Variants in KIAA1958 observed in about 807,000 individuals in gnomAD.
KIAA1958 encodes KIAA1958.
A neutral mutation model predicts 47.2 loss-of-function variants in KIAA1958; 14 were observed. The ratio of observed to expected loss-of-function variants is 0.30; its 90% CI spans 0.20 to 0.46. KIAA1958 has a LOEUF of 0.46. KIAA1958 is among the 20% of genes least tolerant of loss of function. KIAA1958 has a pLI of 1.00. For missense variants in KIAA1958, 803 were observed against 909.2 expected (o/e 0.88, Z 1.50); for synonymous variants, 354 against 353.3 (o/e 1.00, Z -0.02).
intron 3 of KIAA1958, among the ~76,000 whole-genome samples, chr9:112,652,830 C>T (rs1260556988): frequency 2.0e-5 from 3 of 152,218 alleles, no homozygotes; most frequent in East Asian, 1.9e-4. Context: ...CCATGTTGCC[C>T]GGGCTGGTCT....
At chr9:112,515,894 T>TAAAAAAA (rs58492221) in intron 1 of KIAA1958, among the ~76,000 whole-genome samples, 8 of 97,106 alleles carry the variant, frequency 8.2e-5, no homozygotes, top group East Asian at 2.9e-4. Flanking sequence ...AAAAATAAAT[T>TAAAAAAA]AAAAAAAAAA....
chr9:112,526,232 T>C (rs562737550), intron 1 of KIAA1958, among the ~76,000 whole-genome samples: 1 of 134,422 alleles, frequency 7.4e-6, no homozygotes, highest in African/African-American at 2.9e-5. Flanking sequence ...TGTGCTGCTA[T>C]AACAGAATAC....
intron 1 of KIAA1958, among the ~76,000 whole-genome samples, chr9:112,531,184 T>A (rs1414452669): frequency 6.6e-6 from 1 of 151,926 alleles, no homozygotes; most frequent in Non-Finnish European, 1.5e-5. Context: ...AGGTTGGGAG[T>A]TCGAGACCAG....
At chr9:112,573,879 T>C (rs1201844935) in intron 1 of KIAA1958, among the ~76,000 whole-genome samples, 178 bp from the exon 2 acceptor site, 4 of 152,196 alleles carry the variant, frequency 2.6e-5, no homozygotes, top group Non-Finnish European at 5.9e-5. Context: ...CAGCTGTTTT[T>C]ACTTTTCCTG....
At chr9:112,590,391 G>A (rs955555262) in intron 2 of KIAA1958, among the ~76,000 whole-genome samples, 53 of 140,546 alleles carry the variant, frequency 3.8e-4, no homozygotes, top group African/African-American at 1.3e-3. Flanking sequence ...CACTCTTGTC[G>A]CCCAGTCTGG....
In KIAA1958 at chr9:112,662,692, T is replaced by A. The variant is rs1425003320; in HGVS notation, c.*2623T>A. The A allele has an allele frequency of 6.6e-6, 1 of 152,580 alleles. No homozygotes were observed. The highest frequency in any genetic ancestry group is 6.5e-5 in the Admixed American group (1 of 15,272). The allele number at this position is 152,580 out of a possible 1,614,324, so 9.5% of individuals were successfully genotyped here. A position where few individuals can be genotyped will look rare whatever the true frequency, so the allele number is the denominator to read the frequency against. On this transcript the variant is annotated 3_prime_UTR_variant, in exon 4 of 4. Transcript: ENST00000337530. ...CTGTAATCCCAGCTACTTGAGAGTC[T>A]GAAGCAGGAGAATTGCTTGAACCTG...
intron 1 of KIAA1958, among the ~76,000 whole-genome samples, chr9:112,559,615 A>G (rs1197095886): frequency 6.6e-6 from 1 of 152,176 alleles, no homozygotes; most frequent in Non-Finnish European, 1.5e-5. Context: ...GCCCACCTAT[A>G]GTTTATTTAC....
rs181912011 is a variant in KIAA1958 at position 112,655,394 on chromosome 9, A to G, written c.1345-3869A>G. On this transcript the variant is annotated intron_variant, in intron 3 of 3. Transcript: ENST00000337530. ...GTATTGTCATTAATCCATTCATCCAACAAAAACTTATGGCACTCCTCTATA... is the reference window on the plus strand; with the variant it reads ...GTATTGTCATTAATCCATTCATCCAGCAAAAACTTATGGCACTCCTCTATA... Among the ~76,000 whole-genome samples the G allele has an allele frequency of 1.1e-4, 16 of 152,328 alleles. No homozygotes were observed. In the East Asian group the frequency reaches 2.1e-3, roughly 20 times the overall value.
At chr9:112,496,110 A>G (rs538380426) in intron 1 of KIAA1958, among the ~76,000 whole-genome samples, 75 of 152,336 alleles carry the variant, frequency 4.9e-4, no homozygotes, top group African/African-American at 1.5e-3. Flanking sequence ...GAATTGTGAG[A>G]AATAAGAAAT....
chr9:112,530,319 G>A (rs1053841463), intron 1 of KIAA1958, among the ~76,000 whole-genome samples: 8 of 152,062 alleles, frequency 5.3e-5, no homozygotes, highest in African/African-American at 1.9e-4. Context: ...TTAGCTGCTG[G>A]GAGCTCTTTG....
intron 3 of KIAA1958, among the ~76,000 whole-genome samples, chr9:112,649,084 A>G (rs943334264): frequency 6.6e-6 from 1 of 152,268 alleles, no homozygotes; most frequent in African/African-American, 2.4e-5. Context: ...TGCATATTTT[A>G]CTTAGAGAAG....
chr9:112,506,227 C>G (rs1241253924), intron 1 of KIAA1958, among the ~76,000 whole-genome samples: 2 of 152,158 alleles, frequency 1.3e-5, no homozygotes, highest in Non-Finnish European at 2.9e-5. Context: ...GAGGCCGAAG[C>G]AGGCGGATCA....
chr9:112,547,700 C>T (rs898248380), intron 1 of KIAA1958, among the ~76,000 whole-genome samples: 1 of 152,302 alleles, frequency 6.6e-6, no homozygotes. Context: ...TGAAATGACC[C>T]TGCGAAGCTG....
chr9:112,638,285 G>A lies in KIAA1958; in HGVS notation c.1172-7365G>A, dbSNP rs143611101. On this transcript the variant is annotated intron_variant, in intron 2 of 3. Coordinates refer to ENST00000337530, the MANE Select transcript of KIAA1958 (RefSeq NM_133465.4). ...TTTGGTAGGCTGAGGCAGGCAAATC[G>A]GTTGAAGCCAGAAATTGAGACCTCC... Among the ~76,000 whole-genome samples the A allele has an allele frequency of 1.4e-4, 22 of 152,144 alleles. No homozygotes were observed. In the South Asian group the frequency reaches 1.7e-3, roughly 11 times the overall value.
rs1356751125 is a variant in KIAA1958, at chr9:112,659,752, G to C, written c.1834G>C (p.Val612Leu). The C allele has an allele frequency of 1.2e-6, 2 of 1,614,186 alleles. No homozygotes were observed. Among genetic ancestry groups the C allele is most frequent in the Non-Finnish European group, 1.7e-6 (2 of 1,180,032 alleles). ...KRESRSGSTR[V>L]CHGKIYHEHS... ...GGAGAGTCGGAGCGGCTCCACCAGA[G>C]TGTGTCACGGGAAGATCTACCATGA... The change falls in exon 4 of 4, where the codon GTG becomes CTG. Residue 612 changes from valine (V) to leucine (L), a missense_variant. By Grantham distance (32) the Val-to-Leu change is conservative (BLOSUM62 1). Coordinates refer to ENST00000337530, the MANE Select transcript of KIAA1958 (RefSeq NM_133465.4).
intron 2 of KIAA1958, among the ~76,000 whole-genome samples, chr9:112,576,528 C>T (rs539519652): frequency 2.1e-4 from 32 of 152,196 alleles, no homozygotes; most frequent in Non-Finnish European, 4.3e-4. Flanking sequence ...CCTCTTAGTT[C>T]CTGGCAACTG....
In KIAA1958 at chr9:112,574,435, T is replaced by C; in HGVS notation, c.355T>C (p.Ser119Pro). The C allele has an allele frequency of 6.2e-7, 1 of 1,614,156 alleles. No homozygotes were observed. The highest frequency in any genetic ancestry group is 8.5e-7 in the Non-Finnish European group (1 of 1,180,014). Reference sequence around the variant, plus strand: ...GCTAGACTGTAACCGGACCAGAGACTCTTGTGACTTCTCCTACTGTAGTGA... The same window carrying C: ...GCTAGACTGTAACCGGACCAGAGACCCTTGTGACTTCTCCTACTGTAGTGA... Reference protein sequence around the residue: ...AKLDCNRTRDSCDFSYCSEPS... With the variant: ...AKLDCNRTRDPCDFSYCSEPS... The change falls in exon 2 of 4, where the codon TCT (serine) becomes CCT (proline). Residue 119 changes from serine to proline, a missense_variant. Coordinates refer to ENST00000337530, the MANE Select transcript of KIAA1958 (RefSeq NM_133465.4).
At chr9:112,603,683 AATC>A (rs1391812139) in intron 2 of KIAA1958, among the ~76,000 whole-genome samples, 1 of 152,202 alleles carries the variant, frequency 6.6e-6, no homozygotes, top group East Asian at 1.9e-4. Context: ...TATGTGTATT[AATC>A]ATCTACCTAT....
chr9:112,572,543 GA>G (rs1265745656), intron 1 of KIAA1958, among the ~76,000 whole-genome samples: 1 of 152,202 alleles, frequency 6.6e-6, no homozygotes, highest in Non-Finnish European at 1.5e-5. Flanking sequence ...CAAATCCCTT[GA>G]GATGATACAG....
Sources: allele counts gnomAD v4.1 joint callset (sites outside exome capture counted in the v4.1 genomes callset), GRCh38; gene constraint gnomAD v4.1.1; transcripts MANE v1.5; gene names NCBI Gene and HGNC (gene_info 2026-07-23, HGNC 2026-07-21).